Variants in SWAP70 observed in about 807,000 individuals in gnomAD.
SWAP70 encodes switch-associated protein 70.
A neutral mutation model predicts 80.2 loss-of-function variants in SWAP70; 34 were observed. That is an observed-to-expected ratio of 0.42 (90% CI 0.32 to 0.56). SWAP70 has a LOEUF of 0.56. SWAP70 is among the 20% of genes least tolerant of loss of function. The pLI, the probability that SWAP70 is intolerant of heterozygous loss-of-function variation, is 0.09. For synonymous variants in SWAP70, 239 were observed against 238.5 expected, an observed-to-expected ratio of 1.00 and a Z score of -0.02; for missense variants, 578 against 690.7, an observed-to-expected ratio of 0.84 and a Z score of 1.83.
At chr11:9,686,805 T>G (rs947089004) in intron 1 of SWAP70, among the ~76,000 whole-genome samples, 1 of 152,336 alleles carries the variant, frequency 6.6e-6, no homozygotes, top group South Asian at 2.1e-4. Flanking sequence ...TGAGATGTTT[T>G]AAATGTTTTT....
At chr11:9,714,990 T>TTTTTTA (rs1851047996) in intron 3 of SWAP70, among the ~76,000 whole-genome samples, 4 of 148,732 alleles carry the variant, frequency 2.7e-5, no homozygotes, top group Non-Finnish European at 6.0e-5. Flanking sequence ...TTTTTTTTTT[T>TTTTTTA]AAGAAACGGG....
intron 1 of SWAP70, among the ~76,000 whole-genome samples, chr11:9,677,599 G>A (rs1318260051): frequency 4.6e-5 from 7 of 152,018 alleles, no homozygotes; most frequent in Non-Finnish European, 1.0e-4. Context: ...CTTAAATATA[G>A]CAAAATCTAG....
At chr11:9,687,661 T>C (rs999136531) in intron 1 of SWAP70, among the ~76,000 whole-genome samples, 4 of 152,218 alleles carry the variant, frequency 2.6e-5, no homozygotes, top group Non-Finnish European at 5.9e-5. Flanking sequence ...CAGTGGCATA[T>C]ATTCTGTGGA....
At chr11:9,683,101 A>G (rs1393770405) in intron 1 of SWAP70, among the ~76,000 whole-genome samples, 2 of 152,240 alleles carry the variant, frequency 1.3e-5, no homozygotes, top group African/African-American at 2.4e-5. Flanking sequence ...TGAAGAACTT[A>G]GAAACTATTC....
At chr11:9,748,435 T>C (rs1241239958) in intron 10 of SWAP70, among the ~76,000 whole-genome samples, 2 of 152,214 alleles carry the variant, frequency 1.3e-5, no homozygotes, top group African/African-American at 2.4e-5. Context: ...TTCTTGCCCC[T>C]TAACCCCAGT....
intron 1 of SWAP70, among the ~76,000 whole-genome samples, chr11:9,674,258 A>G (rs1850458580): frequency 6.6e-6 from 1 of 152,156 alleles, no homozygotes; most frequent in Admixed American, 6.6e-5. Context: ...CATTATAACA[A>G]GGGCTATGGC....
rs530029631 is a variant in SWAP70, at chr11:9,666,062, G to T, written c.99+1784G>T. On this transcript the variant is annotated intron_variant, in intron 1 of 11. Coordinates refer to ENST00000318950, the MANE Select transcript of SWAP70 (RefSeq NM_015055.4). ...TCCTCTCTTTTTCTTCCATCTTTGGGATTATTTGAATATGCTTTAGTTTTT... is the reference window on the plus strand; with the variant it reads ...TCCTCTCTTTTTCTTCCATCTTTGGTATTATTTGAATATGCTTTAGTTTTT... 1.3e-4 allele frequency among the ~76,000 whole-genome samples: 20 copies of T among 149,168 alleles called. No homozygotes were observed. In the Middle Eastern group the frequency reaches 0.01, roughly 78 times the overall value.
rs71034736 is a variant in SWAP70 at position 9,712,735 on chromosome 11, CTT to C, written c.241-712_241-711del. Among the ~76,000 whole-genome samples the C allele has an allele frequency of 2.0e-3, 267 of 132,142 alleles. 1 individual carries two copies. Among genetic ancestry groups the C allele is most frequent in the African/African-American group, 4.6e-3 (166 of 35,740 alleles). The allele number at this position is 132,142 out of a possible 152,430, so 86.7% of individuals were successfully genotyped here. A position where few individuals can be genotyped will look rare whatever the true frequency, so the allele number is the denominator to read the frequency against. On this transcript the variant is annotated intron_variant, in intron 2 of 11. Transcript: ENST00000318950. ...TTCCCCAAAAGAAGGTATCTTCTTC[CTT>C]TTTTTTTTTTTTTTTTTTGAGATAG...
intron 5 of SWAP70, 46 bp downstream of exon 5, chr11:9,728,245 C>G: frequency 6.6e-7 from 1 of 1,509,228 alleles, no homozygotes; most frequent in Non-Finnish European, 8.8e-7. Flanking sequence ...GTGCTGCCCC[C>G]TGATGCTGAA....
chr11:9,721,630 C>G (rs1452141981), intron 3 of SWAP70, among the ~76,000 whole-genome samples: 1 of 152,050 alleles, frequency 6.6e-6, no homozygotes, highest in East Asian at 1.9e-4. Flanking sequence ...TACCACCACA[C>G]CTGGCTAACT....
chr11:9,671,665 AAT>A (rs376185477), intron 1 of SWAP70, among the ~76,000 whole-genome samples: 6,055 of 28,182 alleles, frequency 0.21, 249 homozygotes, highest in Middle Eastern at 0.27. Flanking sequence ...TTTCTATATA[AAT>A]ATATATAAAT....
At position 9,707,552 on chromosome 11, in the gene SWAP70, C is replaced by CTTTTTT. The variant is rs200003596; in HGVS notation, c.241-5910_241-5909insTTTTTT. Among the ~76,000 whole-genome samples, 21 of 132,242 alleles carry CTTTTTT rather than the reference C, an allele frequency of 1.6e-4. 1 individual carries two copies. The highest frequency in any genetic ancestry group is 2.2e-4 in the African/African-American group (8 of 35,708). The allele number at this position is 132,242 out of a possible 152,430, so 86.8% of individuals were successfully genotyped here. ...TATGTATATAACACATTTTCTTTTT[C>CTTTTTT]TTTTCTTTTTTTTTTTTTTTTGAGA... On this transcript the variant is annotated intron_variant, in intron 2 of 11. Transcript: ENST00000318950.
chr11:9,693,974 A>G (rs1850724957), intron 1 of SWAP70, among the ~76,000 whole-genome samples, 172 bp from the exon 2 acceptor site: 1 of 152,324 alleles, frequency 6.6e-6, no homozygotes, highest in East Asian at 1.9e-4. Context: ...GGAATGAGAA[A>G]GAATAACAGG....
At chr11:9,712,735 CTTTT>C (rs71034736) in intron 2 of SWAP70, among the ~76,000 whole-genome samples, 72 of 132,150 alleles carry the variant, frequency 5.4e-4, no homozygotes, top group Non-Finnish European at 5.2e-4. Flanking sequence ...TATCTTCTTC[CTTTT>C]TTTTTTTTTT....
In SWAP70 at chr11:9,694,160, C is replaced by T. The variant is rs200917409; in HGVS notation, c.114C>T (p.Asn38=). 5 of 1,607,008 alleles carry T rather than the reference C, an allele frequency of 3.1e-6. No individual in the cohort carries two copies. In the Admixed American group the frequency reaches 8.5e-5, roughly 27 times the overall value. ...TTCCCTTGCAGGTCCTTTCCCATAACCTGTGCACGGTGCTGAAGGTTCCTC... is the reference window on the plus strand; with the variant it reads ...TTCCCTTGCAGGTCCTTTCCCATAATCTGTGCACGGTGCTGAAGGTTCCTC... ...SKSQLKVLSH[N]LCTVLKVPHD... The change falls in exon 2 of 12, where the codon AAC becomes AAT. Residue 38 remains asparagine, a synonymous_variant. Transcript: ENST00000318950.
chr11:9,749,651 A>C (rs1258195762), intron 11 of SWAP70, among the ~76,000 whole-genome samples: 1 of 152,220 alleles, frequency 6.6e-6, no homozygotes, highest in Non-Finnish European at 1.5e-5. Context: ...GTTCAGGATA[A>C]ATTTCTCTTG....
rs111625142 is a variant in SWAP70, at chr11:9,722,547, G to A, written c.415-2111G>A. 1.2e-3 allele frequency among the ~76,000 whole-genome samples: 178 copies of A among 152,308 alleles called. 1 individual carries two copies. Among genetic ancestry groups the A allele is most frequent in the African/African-American group, 3.7e-3 (153 of 41,568 alleles). ...TTTTGGTCCTTTGGTTGGTCTGACA[G>A]TCTTCATTTCTAACAAGCTTCCAGG... On this transcript the variant is annotated intron_variant, in intron 3 of 11. Transcript: ENST00000318950.
At chr11:9,734,221 A>C (rs1374985023) in intron 7 of SWAP70, among the ~76,000 whole-genome samples, 1 of 152,204 alleles carries the variant, frequency 6.6e-6, no homozygotes, top group Non-Finnish European at 1.5e-5. Flanking sequence ...AACCCCTGGA[A>C]ACCACTGATC....
chr11:9,707,835 C>T (rs770922221), intron 2 of SWAP70, among the ~76,000 whole-genome samples: 11 of 151,936 alleles, frequency 7.2e-5, no homozygotes, highest in Non-Finnish European at 1.5e-4. Flanking sequence ...GGATTACAGG[C>T]GTGAGCCACT....
Sources: allele counts gnomAD v4.1 joint callset (sites outside exome capture counted in the v4.1 genomes callset), GRCh38; gene constraint gnomAD v4.1.1; transcripts MANE v1.5; gene names NCBI Gene and HGNC (gene_info 2026-07-23, HGNC 2026-07-21).